The following VBP1 variants were observed in gnomAD, a reference collection of about 807,000 sequenced individuals.
VBP1 encodes prefoldin subunit 3.
Under a neutral mutation model 15.5 loss-of-function variants are expected in VBP1, and 4 were observed. The observed-to-expected ratio is 0.26, with a 90% CI of 0.13 to 0.59. The LOEUF is 0.59. Among genes scored for constraint, VBP1 ranks in the 20% least tolerant of loss-of-function variants. VBP1 has a pLI of 0.90. For missense variants in VBP1, 108 were observed against 139.6 expected, an observed-to-expected ratio of 0.77 and a Z score of 1.14; for synonymous variants, 61 against 52.1, an observed-to-expected ratio of 1.17 and a Z score of -0.74.
chrX:155,216,338 A>G (rs2074662543), upstream of VBP1: 2 of 1,095,512 alleles, frequency 1.8e-6, no homozygotes, highest in African/African-American at 3.7e-5. Flanking sequence ...CGGCCAAAGG[A>G]GAACGGGGAC....
At chrX:155,205,376 C>G (rs937902185) in intron 1 of VBP1, among the ~76,000 whole-genome samples, 3 of 111,820 alleles carry the variant, frequency 2.7e-5, no homozygotes, top group Admixed American at 9.5e-5. Context: ...CAAAGCTGTT[C>G]TACTTGCAGC....
intron 4 of VBP1, among the ~76,000 whole-genome samples, chrX:155,235,329 G>T (rs2074766904): frequency 9.0e-6 from 1 of 111,241 alleles, no homozygotes; most frequent in African/African-American, 3.3e-5. Context: ...TTATGGATTG[G>T]ATTATTTGGT....
At chrX:155,233,281 C>G (rs1396388388) in intron 4 of VBP1, among the ~76,000 whole-genome samples, 2 of 111,550 alleles carry the variant, frequency 1.8e-5, no homozygotes, top group African/African-American at 6.5e-5. Flanking sequence ...AAATCCGGTT[C>G]TCTGTGGTTG....
In VBP1 at chrX:155,199,925, A is replaced by C. The variant is rs1378428367; in HGVS notation, c.-31+2786A>C. On this transcript the variant is annotated intron_variant, in intron 1 of 6. Transcript: ENST00000535916. ...AAGGATGGAGGAAGATCTACCAAGC[A>C]AATGGAAAACAAAAAAAGGCAGGGG... Among the ~76,000 whole-genome samples the C allele has an allele frequency of 2.2e-4, 24 of 110,814 alleles. No homozygotes were observed. The South Asian group carries it at 7.3e-3, about 34-fold the overall frequency.
At chrX:155,231,086 C>A (rs2074743941) in intron 4 of VBP1, among the ~76,000 whole-genome samples, 1 of 112,229 alleles carries the variant, frequency 8.9e-6, no homozygotes, top group African/African-American at 3.2e-5. Flanking sequence ...GCTCTTTCTT[C>A]TGCTTAAGCT....
At chrX:155,206,297 A>G (rs1177563984) in intron 1 of VBP1, among the ~76,000 whole-genome samples, 1 of 109,266 alleles carries the variant, frequency 9.2e-6, no homozygotes. Context: ...GCAGTGGCAC[A>G]ATCTCGACTC....
chrX:155,201,378 C>A (rs1328983081), intron 1 of VBP1, among the ~76,000 whole-genome samples: 1 of 101,139 alleles, frequency 9.9e-6, no homozygotes, highest in African/African-American at 3.7e-5. Context: ...ACTGGCAAAC[C>A]GAATCCAGCA....
intron 1 of VBP1, among the ~76,000 whole-genome samples, chrX:155,217,452 A>T (rs2074670452): frequency 8.9e-6 from 1 of 112,780 alleles, no homozygotes; most frequent in African/African-American, 3.2e-5. Context: ...GTCCCCACTT[A>T]GCTACTATAA....
chrX:155,208,937 G>T, exon 2 of VBP1: 1 of 1,155,017 alleles, frequency 8.7e-7, no homozygotes, highest in Non-Finnish European at 1.1e-6. Flanking sequence ...TACCCAGCAA[G>T]GCCTAAGGAC....
intron 4 of VBP1, among the ~76,000 whole-genome samples, chrX:155,229,365 C>A (rs1209322308): frequency 8.9e-6 from 1 of 112,564 alleles, no homozygotes; most frequent in African/African-American, 3.2e-5. Context: ...AATTGCATGA[C>A]CTTTTGATTC....
chrX:155,224,714 G>A (rs782401969), intron 2 of VBP1, among the ~76,000 whole-genome samples: 1 of 112,270 alleles, frequency 8.9e-6, no homozygotes, highest in Non-Finnish European at 1.9e-5. Flanking sequence ...AGTATTTCAT[G>A]TGTTAATCTC....
At chrX:155,208,536 A>G (rs1266898684) in intron 1 of VBP1, among the ~76,000 whole-genome samples, 2 of 111,983 alleles carry the variant, frequency 1.8e-5, no homozygotes, top group African/African-American at 6.5e-5. Context: ...TCTTTTTCCT[A>G]TGAGTATTAT....
intron 1 of VBP1, among the ~76,000 whole-genome samples, chrX:155,219,977 T>TAA (rs377248591): frequency 9.9e-5 from 9 of 91,104 alleles, no homozygotes; most frequent in African/African-American, 2.8e-4. Flanking sequence ...TTCCAAAATC[T>TAA]AAAAAAAAAA....
intron 5 of VBP1, among the ~76,000 whole-genome samples, chrX:155,237,488 G>A (rs1247343773): frequency 4.5e-5 from 5 of 111,107 alleles, no homozygotes; most frequent in African/African-American, 1.3e-4. Flanking sequence ...ATATTTCAAC[G>A]GTTCCTTGTT....
Position 155,224,279 on chromosome X carries a change from G to A in VBP1, c.219-2956G>A, listed in dbSNP as rs1014628399. Among the ~76,000 whole-genome samples, 5 of 112,723 alleles carry A rather than the reference G, an allele frequency of 4.4e-5. No homozygotes were observed. In the East Asian group the frequency reaches 1.1e-3, roughly 25 times the overall value. ...TGGGAGGTGGAGGTTGTAGCGAGCC[G>A]AGATCACGCCACTGCACTCCAGCCT... On this transcript the variant is annotated intron_variant, in intron 2 of 5. Transcript: ENST00000286428.
intron 2 of VBP1, among the ~76,000 whole-genome samples, chrX:155,210,344 C>T (rs1557308418): frequency 8.9e-6 from 1 of 111,759 alleles, no homozygotes; most frequent in Non-Finnish European, 1.9e-5. Context: ...CTCCTAGCCA[C>T]TCGGGAGGCT....
chrX:155,209,817 A>G (rs1279109068), intron 2 of VBP1, among the ~76,000 whole-genome samples: 2 of 112,084 alleles, frequency 1.8e-5, no homozygotes, highest in African/African-American at 6.5e-5. Flanking sequence ...GTATTAAAAT[A>G]TTTGTAATTT....
At chrX:155,213,199 A>T (rs782604335), upstream of VBP1, among the ~76,000 whole-genome samples, 3 of 111,968 alleles carry the variant, frequency 2.7e-5, no homozygotes, top group African/African-American at 9.7e-5. Flanking sequence ...TCAGGATTAG[A>T]AACTGAATCA....
chrX:155,223,295 G>A (rs1052511167), intron 2 of VBP1, among the ~76,000 whole-genome samples: 13 of 107,128 alleles, frequency 1.2e-4, no homozygotes, highest in Non-Finnish European at 2.5e-4. Context: ...AGGTCAGCAG[G>A]TAAACATGTG....
Sources: allele counts gnomAD v4.1 joint callset (sites outside exome capture counted in the v4.1 genomes callset), GRCh38; gene constraint gnomAD v4.1.1; transcripts MANE v1.5; gene names NCBI Gene and HGNC (gene_info 2026-07-23, HGNC 2026-07-21).